Variants in DLC1 observed in about 807,000 individuals in gnomAD.
DLC1 encodes the protein rho GTPase-activating protein 7.
Under a neutral mutation model 140.3 loss-of-function variants are expected in DLC1, and 54 were observed. The observed-to-expected ratio is 0.38, with a 90% CI of 0.31 to 0.48. The LOEUF is 0.48. Among genes scored for constraint, DLC1 ranks in the 20% least tolerant of loss-of-function variants. DLC1 has a pLI of 0.96. For synonymous variants in DLC1, 986 were observed against 728.1 expected (o/e 1.35, Z -5.70); for missense variants, 2,536 against 1,907.0 (o/e 1.33, Z -6.14).
In DLC1 at chr8:13,102,815, A is replaced by G; in HGVS notation, c.1541T>C (p.Leu514Pro). 1.2e-6 allele frequency: 2 copies of G among 1,614,068 alleles called. No homozygotes were observed. The highest frequency in any genetic ancestry group is 1.7e-6 in the Non-Finnish European group (2 of 1,179,984). Residue 514 changes from leucine (L) to proline (P), a missense_variant, in exon 8 of 18, where the codon CTA (leucine) becomes CCA (proline). Coordinates refer to ENST00000276297, the MANE Select transcript of DLC1 (RefSeq NM_182643.3). ...TCGTTTCCGATGAGGACTAATTTCT[A>G]GCTTCATCACCGCACATTTGTTTAA... ...NTLNKCAVMK[L>P]EISPHRKRSD...
chr8:13,245,791 C>T (rs911077497), intron 5 of DLC1, among the ~76,000 whole-genome samples: 1 of 152,054 alleles, frequency 6.6e-6, no homozygotes, highest in South Asian at 2.1e-4. Context: ...ACCTCAGCTC[C>T]CTGGGTTCAA....
intron 2 of DLC1, among the ~76,000 whole-genome samples, chr8:13,414,914 G>A (rs189360626): frequency 4.1e-4 from 62 of 152,054 alleles, no homozygotes; most frequent in African/African-American, 1.4e-3. Flanking sequence ...AGGTTCAAGC[G>A]ATATTCCTGC....
At chr8:13,265,761 C>A (rs145750385) in intron 5 of DLC1, among the ~76,000 whole-genome samples, 3 of 151,278 alleles carry the variant, frequency 2.0e-5, no homozygotes, top group Non-Finnish European at 2.9e-5. Flanking sequence ...TCCTCCCTCC[C>A]TCATTCCTTC....
chr8:13,167,048 G>A (rs1825156048), intron 5 of DLC1, among the ~76,000 whole-genome samples: 1 of 152,148 alleles, frequency 6.6e-6, no homozygotes. Flanking sequence ...AAAATGGATT[G>A]AATTCTGAAT....
intron 2 of DLC1, among the ~76,000 whole-genome samples, chr8:13,461,246 T>C (rs1799643394): frequency 6.6e-6 from 1 of 152,202 alleles, no homozygotes; most frequent in African/African-American, 2.4e-5. Flanking sequence ...AGGAATAACA[T>C]GATAATGAGG....
chr8:13,506,898 G>T (rs551997622), intron 1 of DLC1, among the ~76,000 whole-genome samples: 2 of 151,926 alleles, frequency 1.3e-5, no homozygotes, highest in African/African-American at 2.4e-5. Context: ...GCATATGTTG[G>T]AAACCTGAAT....
At chr8:13,465,642 G>T (rs928560330) in intron 2 of DLC1, among the ~76,000 whole-genome samples, 1 of 151,700 alleles carries the variant, frequency 6.6e-6, no homozygotes, top group African/African-American at 2.4e-5. Context: ...ACTATTCTTT[G>T]TTTCTAAATG....
chr8:13,350,839 C>T (rs1834624551), intron 4 of DLC1, among the ~76,000 whole-genome samples: 1 of 152,198 alleles, frequency 6.6e-6, no homozygotes, highest in African/African-American at 2.4e-5. Context: ...ATTGCTCACA[C>T]CTTGCATAGA....
In DLC1 at chr8:13,098,383, T is replaced by C; in HGVS notation, c.3167+16A>G. On this transcript the variant is annotated intron_variant, in intron 10 of 17. Transcript: ENST00000276297. ...ATCATTTTCAACGACAGTTGACTGA[T>C]CATTTAAACTCTTACCAGCTAAAAC... 1.2e-6 allele frequency: 2 copies of C among 1,613,132 alleles called. No individual in the cohort carries two copies.
chr8:13,128,978 G>A (rs1585714991), intron 5 of DLC1, among the ~76,000 whole-genome samples: 1 of 134,960 alleles, frequency 7.4e-6, no homozygotes, highest in Non-Finnish European at 1.6e-5. Flanking sequence ...CCTAATTAGA[G>A]GATCCCCAGG....
chr8:13,269,701 CAAAAAAAAA>C (rs57030004), intron 5 of DLC1, among the ~76,000 whole-genome samples: 35,083 of 99,844 alleles, frequency 0.35, 5,143 homozygotes, highest in Middle Eastern at 0.58. Context: ...AAAACTCTGT[CAAAAAAAAA>C]AAAAAAAAAA....
At chr8:13,219,291 T>C (rs1380237611) in intron 5 of DLC1, among the ~76,000 whole-genome samples, 2 of 132,412 alleles carry the variant, frequency 1.5e-5, no homozygotes, top group African/African-American at 2.7e-5. Flanking sequence ...AATATAATTA[T>C]ATAGTTATAT....
chr8:13,532,432 T>C (rs1803130249), intron 1 of DLC1, among the ~76,000 whole-genome samples: 1 of 152,228 alleles, frequency 6.6e-6, no homozygotes, highest in Admixed American at 6.5e-5. Flanking sequence ...CAAATGTTGT[T>C]GTAAGCCTGG....
chr8:13,591,507 G>C (rs1418202459), intron 1 of DLC1, among the ~76,000 whole-genome samples: 1 of 152,040 alleles, frequency 6.6e-6, no homozygotes, highest in African/African-American at 2.4e-5. Context: ...AGTTTCCTGA[G>C]GCCTCCCTAG....
intron 2 of DLC1, among the ~76,000 whole-genome samples, chr8:13,446,631 G>A (rs1371747864): frequency 2.0e-5 from 3 of 152,032 alleles, no homozygotes; most frequent in Non-Finnish European, 4.4e-5. Flanking sequence ...AGAGGGAAGG[G>A]AAGGGAAGAA....
rs1035386476 is a variant in DLC1, at chr8:13,589,260, T to G, written c.-126+15277A>C. ...TAATGTTATAATAGAACTGAGATCT[T>G]TGTATTTTATATAATTGTTGAAAAT... On this transcript the variant is annotated intron_variant, in intron 1 of 1. Transcript: ENST00000631382. 5.9e-5 allele frequency among the ~76,000 whole-genome samples: 9 copies of G among 152,094 alleles called. No homozygotes were observed. In the East Asian group the frequency reaches 1.5e-3, roughly 26 times the overall value.
intron 5 of DLC1, among the ~76,000 whole-genome samples, chr8:13,285,780 C>T (rs936740533): frequency 6.6e-6 from 1 of 152,052 alleles, no homozygotes; most frequent in Non-Finnish European, 1.5e-5. Flanking sequence ...CAATGAATTC[C>T]ACTCCTAGGA....
At chr8:13,258,748 C>T (rs1830359506) in intron 5 of DLC1, among the ~76,000 whole-genome samples, 2 of 152,204 alleles carry the variant, frequency 1.3e-5, no homozygotes, top group South Asian at 2.1e-4. Flanking sequence ...TATTTCATTT[C>T]CTGTTTGTAC....
intron 5 of DLC1, among the ~76,000 whole-genome samples, chr8:13,143,988 C>A (rs1160576883): frequency 6.6e-6 from 1 of 152,086 alleles, no homozygotes; most frequent in Non-Finnish European, 1.5e-5. Flanking sequence ...GCCGGAGAGA[C>A]CCTGTGATGG....
Sources: gnomAD v4.1 joint callset for allele counts (sites outside exome capture counted in the v4.1 genomes callset) on GRCh38, gnomAD v4.1.1 for gene constraint, MANE v1.5 for transcripts, NCBI Gene and HGNC (gene_info 2026-07-23, HGNC 2026-07-21) for gene names.